The following RPS6KA2 variants were observed in gnomAD, a reference collection of about 807,000 sequenced individuals.
RPS6KA2 encodes ribosomal protein S6 kinase A2.
RPS6KA2 carries 42 observed loss-of-function variants against 91.8 expected under a neutral mutation model. The ratio of observed to expected loss-of-function variants is 0.46; its 90% CI spans 0.36 to 0.59. The LOEUF (loss-of-function observed/expected upper bound fraction) is 0.59. Ranked by LOEUF, RPS6KA2 falls within the 20% of genes least tolerant of loss-of-function variation. RPS6KA2 has a pLI of 0.00. For synonymous variants in RPS6KA2, 414 were observed against 393.6 expected (o/e 1.05, Z -0.61); for missense variants, 798 against 978.5 (o/e 0.82, Z 2.46).
intron 2 of RPS6KA2, among the ~76,000 whole-genome samples, chr6:166,802,337 T>C (rs1562447639): frequency 6.6e-6 from 1 of 152,126 alleles, no homozygotes; most frequent in African/African-American, 2.4e-5. Context: ...AAATTACTTT[T>C]AGTTCATCGT....
intron 3 of RPS6KA2, among the ~76,000 whole-genome samples, chr6:166,525,366 C>G (rs1047710344): frequency 6.6e-6 from 1 of 152,160 alleles, no homozygotes; most frequent in African/African-American, 2.4e-5. Context: ...GGGCGACAGG[C>G]AGCACCGCCG....
chr6:166,676,833 T>C (rs1322192619), intron 2 of RPS6KA2, among the ~76,000 whole-genome samples: 1 of 152,242 alleles, frequency 6.6e-6, no homozygotes, highest in African/African-American at 2.4e-5. Flanking sequence ...CCAAACACAA[T>C]TTACTACACT....
At chr6:166,728,976 G>A (rs1790429811) in intron 2 of RPS6KA2, among the ~76,000 whole-genome samples, 1 of 152,186 alleles carries the variant, frequency 6.6e-6, no homozygotes, top group Admixed American at 6.5e-5. Context: ...TCACTAGCCA[G>A]ACAGACCAAA....
intron 2 of RPS6KA2, among the ~76,000 whole-genome samples, chr6:166,723,106 G>C (rs1790226159): frequency 6.6e-6 from 1 of 152,352 alleles, no homozygotes; most frequent in East Asian, 1.9e-4. Flanking sequence ...TTGTCAACAA[G>C]TCAGGGCAGA....
At chr6:166,649,218 C>T (rs1420344183) in intron 2 of RPS6KA2, among the ~76,000 whole-genome samples, 4 of 152,156 alleles carry the variant, frequency 2.6e-5, no homozygotes, top group Non-Finnish European at 4.4e-5. Flanking sequence ...CCTGCCCCTG[C>T]GCCCGTCTGC....
chr6:166,840,584 C>T (rs549416751), intron 2 of RPS6KA2, among the ~76,000 whole-genome samples: 4 of 152,310 alleles, frequency 2.6e-5, no homozygotes, highest in South Asian at 2.1e-4. Flanking sequence ...CTAGACAGCA[C>T]GTCCTTACTG....
intron 11 of RPS6KA2, among the ~76,000 whole-genome samples, chr6:166,469,400 A>C (rs1208633415): frequency 4.6e-5 from 7 of 150,710 alleles, no homozygotes; most frequent in Non-Finnish European, 2.9e-5. Flanking sequence ...TGCAGTATCG[A>C]ATCTGGGCCT....
rs1787747680 is a variant in RPS6KA2 at position 166,648,577 on chromosome 6, A to T, written c.124-109793T>A. Among the ~76,000 whole-genome samples, 1 of 152,128 alleles carries T rather than the reference A, an allele frequency of 6.6e-6. No homozygotes were observed. The highest frequency in any genetic ancestry group is 2.4e-5 in the African/African-American group (1 of 41,400). ...ACGTGAGTGAGTTCGTATATTCCTG[A>T]ATGACTCGCCATTTTAGTATTTTCA... On this transcript the variant is annotated intron_variant, in intron 2 of 21. Coordinates refer to the RPS6KA2 transcript ENST00000503859. The surrounding 1 kb of genome is among the most constrained non-coding windows in gnomAD (Gnocchi z 4.8).
chr6:166,572,291 T>C (rs1430514304), intron 1 of RPS6KA2, among the ~76,000 whole-genome samples: 5 of 152,184 alleles, frequency 3.3e-5, no homozygotes, highest in East Asian at 1.9e-4. Flanking sequence ...CCAATAAATA[T>C]TGAGAAGAAG....
chr6:166,736,698 G>T (rs79487793), intron 2 of RPS6KA2, among the ~76,000 whole-genome samples: 20 of 151,974 alleles, frequency 1.3e-4, no homozygotes, highest in Non-Finnish European at 7.4e-5. Context: ...GAGGCTGGCC[G>T]AGGGTCGCCA....
At chr6:166,773,281 A>G (rs543752153) in intron 2 of RPS6KA2, among the ~76,000 whole-genome samples, 2 of 152,320 alleles carry the variant, frequency 1.3e-5, no homozygotes, top group South Asian at 4.1e-4. Context: ...GGGTCACAGG[A>G]AAGCCCAGTG....
At chr6:166,505,014 G>A (rs1782147897) in intron 5 of RPS6KA2, among the ~76,000 whole-genome samples, 1 of 152,202 alleles carries the variant, frequency 6.6e-6, no homozygotes, top group Non-Finnish European at 1.5e-5. Flanking sequence ...AGGGCTTGAT[G>A]AGGTGACTGA....
chr6:166,431,295 A>C (rs1175830213), intron 15 of RPS6KA2, among the ~76,000 whole-genome samples: 3 of 152,242 alleles, frequency 2.0e-5, no homozygotes, highest in African/African-American at 4.8e-5. Context: ...GCAGGGCCTC[A>C]AGGCAGTGCT....
chr6:166,564,831 A>T (rs1177196894), intron 1 of RPS6KA2, among the ~76,000 whole-genome samples: 2 of 152,144 alleles, frequency 1.3e-5, no homozygotes, highest in Non-Finnish European at 2.9e-5. Context: ...CACCTTTCTG[A>T]GAGTCCTCAG....
intron 1 of RPS6KA2, among the ~76,000 whole-genome samples, chr6:166,576,516 A>C (rs1247922571): frequency 6.6e-6 from 1 of 152,196 alleles, no homozygotes; most frequent in African/African-American, 2.4e-5. Flanking sequence ...ACTGGAGCAA[A>C]GGTGACTCTT....
chr6:166,839,689 A>AGAGGGGAGGGGAGGG (rs1554262087), intron 2 of RPS6KA2, among the ~76,000 whole-genome samples: 1 of 6,786 alleles, frequency 1.5e-4, no homozygotes, highest in African/African-American at 3.9e-4. Context: ...GCAGGAGAGG[A>AGAGGGGAGGGGAGGG]GAGGGGAGGA....
Position 166,532,595 on chromosome 6 carries a change from C to T in RPS6KA2, c.217-1282G>A, listed in dbSNP as rs889380685. 2.6e-5 allele frequency among the ~76,000 whole-genome samples: 4 copies of T among 152,164 alleles called. No homozygotes were observed. The South Asian group carries it at 6.2e-4, about 24-fold the overall frequency. On this transcript the variant is annotated intron_variant, in intron 2 of 20. Transcript: ENST00000265678. ...TCACTGTCATTATTGAATCACAGCC[C>T]CTCCCCAGGTGGGGACTCTTCTAGA...
At position 166,488,903 on chromosome 6, in the gene RPS6KA2, C is replaced by T. The variant is rs1781501787; in HGVS notation, c.837G>A (p.Pro279=). 6 of 1,613,314 alleles carry T rather than the reference C, an allele frequency of 3.7e-6. No individual in the cohort carries two copies. Among genetic ancestry groups the T allele is most frequent in the Middle Eastern group, 3.3e-4 (2 of 6,024 alleles). The part of the protein sequence containing the change: ...ALILKAKLGM[P]QFLSGEAQSL... ...TCTGTGCCTCCCCACTGAGGAACTG[C>T]GGCATCCCCAGCTTGGCTCTGAAAA... is the stretch of plus-strand genomic sequence containing the variant. The change falls in exon 10 of 21, where the codon CCG becomes CCA. Residue 279 remains proline, a synonymous_variant. Coordinates refer to ENST00000265678, the MANE Select transcript of RPS6KA2 (RefSeq NM_021135.6).
At chr6:166,704,233 A>G (rs1369674386) in intron 2 of RPS6KA2, among the ~76,000 whole-genome samples, 3 of 152,252 alleles carry the variant, frequency 2.0e-5, no homozygotes, top group African/African-American at 7.2e-5. Context: ...AGGTGTTGAT[A>G]GCATGCAGTA....
Sources: allele counts gnomAD v4.1 joint callset (sites outside exome capture counted in the v4.1 genomes callset), GRCh38; gene constraint gnomAD v4.1.1; non-coding constraint Gnocchi (gnomAD v3.1); transcripts MANE v1.5; gene names NCBI Gene and HGNC (gene_info 2026-07-23, HGNC 2026-07-21).